Variants in LSAMP observed in about 807,000 individuals in gnomAD.
LSAMP encodes the protein limbic system-associated membrane protein.
In LSAMP, 7 loss-of-function variants were observed where a neutral mutation model predicts 38.6. That is an observed-to-expected ratio of 0.18 (90% CI 0.10 to 0.34). LSAMP has a LOEUF of 0.34. LSAMP is among the 10% of genes least tolerant of loss of function. The pLI, the probability that LSAMP is intolerant of heterozygous loss-of-function variation, is 1.00. For synonymous variants in LSAMP, 154 were observed against 166.8 expected, an observed-to-expected ratio of 0.92 and a Z score of 0.59; for missense variants, 313 against 420.0, an observed-to-expected ratio of 0.75 and a Z score of 2.23.
intron 1 of LSAMP, among the ~76,000 whole-genome samples, chr3:116,088,063 T>TA (rs905004204): frequency 9.4e-5 from 14 of 149,242 alleles, no homozygotes; most frequent in South Asian, 6.4e-4. Flanking sequence ...CTAGCTAATT[T>TA]AAAAAAAAAA....
chr3:116,195,769 C>G (rs191515693), intron 1 of LSAMP, among the ~76,000 whole-genome samples: 3 of 150,536 alleles, frequency 2.0e-5, no homozygotes, highest in Admixed American at 2.0e-4. Context: ...CAGTGTTTTG[C>G]AAAGATTTTT....
intron 3 of LSAMP, among the ~76,000 whole-genome samples, chr3:116,004,767 G>T (rs1277024816): frequency 6.6e-6 from 1 of 151,994 alleles, no homozygotes; most frequent in Non-Finnish European, 1.5e-5. Flanking sequence ...ACTGGTATCT[G>T]GTAGATTTTG....
intron 1 of LSAMP, among the ~76,000 whole-genome samples, chr3:116,144,162 A>G (rs150528858): frequency 1.3e-3 from 193 of 152,086 alleles, no homozygotes; most frequent in African/African-American, 4.5e-3. Flanking sequence ...TTCCTTCTTG[A>G]AAAGAATATA....
chr3:115,959,617 G>T (rs749465064), intron 3 of LSAMP, among the ~76,000 whole-genome samples: 40 of 152,144 alleles, frequency 2.6e-4, no homozygotes, highest in Non-Finnish European at 4.0e-4. Flanking sequence ...TGTGACCTCA[G>T]ATAACCTGCT....
chr3:116,023,965 C>T (rs1308557517), intron 2 of LSAMP, among the ~76,000 whole-genome samples: 1 of 152,090 alleles, frequency 6.6e-6, no homozygotes, highest in East Asian at 1.9e-4. Context: ...CATGCAATTA[C>T]CCTCTTTCCC....
intron 1 of LSAMP, among the ~76,000 whole-genome samples, chr3:116,283,000 G>A (rs1017366458): frequency 1.3e-5 from 2 of 151,964 alleles, no homozygotes; most frequent in African/African-American, 4.8e-5. Context: ...TCCATAACAA[G>A]TTGCCCTTCC....
At chr3:116,202,363 A>C (rs1041265852) in intron 1 of LSAMP, among the ~76,000 whole-genome samples, 15 of 152,038 alleles carry the variant, frequency 9.9e-5, no homozygotes, top group Non-Finnish European at 1.9e-4. Flanking sequence ...TGAACTCCTG[A>C]CCTTGAGTGG....
chr3:116,412,123 T>C (rs2048988739), intron 1 of LSAMP, among the ~76,000 whole-genome samples: 1 of 152,066 alleles, frequency 6.6e-6, no homozygotes, highest in Admixed American at 6.6e-5. Context: ...GATACCATTA[T>C]TACCACTAAT....
At chr3:115,940,529 C>G (rs571087873) in intron 3 of LSAMP, among the ~76,000 whole-genome samples, 21 of 152,174 alleles carry the variant, frequency 1.4e-4, no homozygotes, top group Admixed American at 3.9e-4. Context: ...GCTGGCTTCA[C>G]CTCTCAGTTT....
At chr3:115,909,278 C>T (rs1166400699) in intron 3 of LSAMP, among the ~76,000 whole-genome samples, 1 of 152,178 alleles carries the variant, frequency 6.6e-6, no homozygotes, top group Non-Finnish European at 1.5e-5. Flanking sequence ...CCTACCTGCC[C>T]AGGCATCACA....
intron 6 of LSAMP, among the ~76,000 whole-genome samples, chr3:115,815,618 T>C (rs1933993342): frequency 6.6e-6 from 1 of 152,240 alleles, no homozygotes. Flanking sequence ...CACTGGCAGT[T>C]TATTTTGTCT....
intron 3 of LSAMP, among the ~76,000 whole-genome samples, chr3:115,978,990 G>A (rs1337984951): frequency 6.6e-6 from 1 of 151,944 alleles, no homozygotes; most frequent in African/African-American, 2.4e-5. Flanking sequence ...TTGGTAGAGT[G>A]GGAAACATTG....
intron 6 of LSAMP, among the ~76,000 whole-genome samples, chr3:115,824,015 A>G (rs533294770): frequency 1.3e-5 from 2 of 152,358 alleles, no homozygotes; most frequent in East Asian, 3.9e-4. Flanking sequence ...CACTCTCAAC[A>G]TAAAGAGAAT....
intron 1 of LSAMP, among the ~76,000 whole-genome samples, chr3:116,185,276 A>C (rs575902178): frequency 6.6e-6 from 1 of 152,098 alleles, no homozygotes; most frequent in Admixed American, 6.6e-5. Context: ...ACCTCATCTG[A>C]AAATCTTATC....
At chr3:116,442,179 C>A (rs1021256748) in intron 1 of LSAMP, among the ~76,000 whole-genome samples, 1 of 152,268 alleles carries the variant, frequency 6.6e-6, no homozygotes, top group Admixed American at 6.5e-5. Context: ...CCAAAAGAAA[C>A]TCTTGTTTCA....
chr3:116,331,831 CTTTCT>C (rs377630162), intron 1 of LSAMP, among the ~76,000 whole-genome samples: 15 of 152,012 alleles, frequency 9.9e-5, no homozygotes, highest in South Asian at 2.1e-4. Flanking sequence ...TATTTTCTTT[CTTTCT>C]TTTCTTTTCT....
chr3:116,033,781 A>G (rs1940984947), intron 2 of LSAMP, among the ~76,000 whole-genome samples: 1 of 152,132 alleles, frequency 6.6e-6, no homozygotes, highest in African/African-American at 2.4e-5. Flanking sequence ...GGGTTCATAT[A>G]GAAAAAAAAC....
intron 1 of LSAMP, among the ~76,000 whole-genome samples, chr3:116,390,739 CAAAAAAAAAA>C (rs60344430): frequency 1.6e-4 from 9 of 55,988 alleles, no homozygotes; most frequent in Non-Finnish European, 2.1e-4. Context: ...GACTCCGCCT[CAAAAAAAAAA>C]AAAAAAAAAA....
At chr3:115,866,934 G>A (rs1935877845) in intron 3 of LSAMP, among the ~76,000 whole-genome samples, 1 of 151,988 alleles carries the variant, frequency 6.6e-6, no homozygotes, top group Non-Finnish European at 1.5e-5. Context: ...TTCACAGCCT[G>A]CAGGCAAGCA....
Sources: gnomAD v4.1 joint callset for allele counts (sites outside exome capture counted in the v4.1 genomes callset) on GRCh38, gnomAD v4.1.1 for gene constraint, MANE v1.5 for transcripts, NCBI Gene and HGNC (gene_info 2026-07-23, HGNC 2026-07-21) for gene names.